Variants in MEGF10 observed in about 807,000 individuals in gnomAD.
MEGF10 encodes multiple epidermal growth factor-like domains protein 10.
A neutral mutation model predicts 147.5 loss-of-function variants in MEGF10; 86 were observed. The observed-to-expected ratio is 0.58, with a 90% CI of 0.49 to 0.70. The LOEUF is 0.70. MEGF10 is among the 30% of genes least tolerant of loss of function. MEGF10 has a pLI of 0.00. For missense variants in MEGF10, 1,329 were observed against 1,487.3 expected, an observed-to-expected ratio of 0.89 and a Z score of 1.75; for synonymous variants, 478 against 525.5, an observed-to-expected ratio of 0.91 and a Z score of 1.24.
rs573923853 is a variant in MEGF10, at chr5:127,435,641, CT to C, written c.2104+163del. On this transcript the variant is annotated intron_variant, in intron 16 of 24. Transcript: ENST00000503335. ...TACTTTAAATTCTTTTTTTAAAATT[CT>C]TTTTTTTTTTCCCATTACGACCTCT... 0.056 allele frequency: 36,744 copies of C among 653,082 alleles called. 145 individuals carry two copies. Among genetic ancestry groups the C allele is most frequent in the African/African-American group, 0.085 (4,312 of 50,684 alleles). The allele number at this position is 653,082 out of a possible 1,614,324, so 40.5% of individuals were successfully genotyped here.
intron 1 of MEGF10, among the ~76,000 whole-genome samples, chr5:127,314,738 A>G (rs1459838320): frequency 1.3e-5 from 2 of 152,228 alleles, no homozygotes; most frequent in Non-Finnish European, 2.9e-5. Flanking sequence ...TATTCCAGGC[A>G]GGAACTATTT....
In MEGF10 at chr5:127,454,621, A is replaced by G; in HGVS notation, c.3025+11A>G. 1 of 1,600,720 alleles carries G rather than the reference A, an allele frequency of 6.2e-7. No homozygotes were observed. The highest frequency in any genetic ancestry group is 8.5e-7 in the Non-Finnish European group (1 of 1,175,234). ...GAAAATCCTTAAAAGGTATCATGTAAATTTGAAGAAGAAATCAGAAGCACA... is the reference window on the plus strand; with the variant it reads ...GAAAATCCTTAAAAGGTATCATGTAGATTTGAAGAAGAAATCAGAAGCACA... On this transcript the variant is annotated intron_variant, in intron 23 of 24. Transcript: ENST00000503335.
chr5:127,309,994 T>TTTTTCTTTCTTTCC (rs1760204791), intron 1 of MEGF10, among the ~76,000 whole-genome samples: 1 of 56,814 alleles, frequency 1.8e-5, no homozygotes, highest in Non-Finnish European at 4.2e-5. Context: ...TCTTTCTTTC[T>TTTTTCTTTCTTTCC]TTCCTTCCTT....
chr5:127,298,858 C>A (rs1381186454), intron 1 of MEGF10, among the ~76,000 whole-genome samples: 1 of 152,122 alleles, frequency 6.6e-6, no homozygotes, highest in Non-Finnish European at 1.5e-5. Flanking sequence ...TGCGGCCAGC[C>A]GTCCAACTGA....
chr5:127,270,985 C>T, the MEGF10 span, among the ~76,000 whole-genome samples: 1 of 152,062 alleles, frequency 6.6e-6, no homozygotes, highest in Non-Finnish European at 1.5e-5. Context: ...ATGGTTAATT[C>T]CATGTCTTTC....
chr5:127,398,052 C>G (rs1467801395), intron 6 of MEGF10, among the ~76,000 whole-genome samples: 2 of 125,578 alleles, frequency 1.6e-5, no homozygotes, highest in African/African-American at 6.2e-5. Flanking sequence ...GCATCACACA[C>G]TGGGGTCTGT....
chr5:127,244,747 AC>A, the MEGF10 span, among the ~76,000 whole-genome samples: 1 of 152,158 alleles, frequency 6.6e-6, no homozygotes, highest in Non-Finnish European at 1.5e-5. Flanking sequence ...TATATACTAA[AC>A]CAAGCTATTG....
rs111897967 is a variant in MEGF10, at chr5:127,393,566, A to G, written c.413-2966A>G. Reference sequence around the variant, plus strand: ...GTAAACATGTGGATTTTTTTCCTGAATAGACCATGTTGATGTATGGTATTC... The same window carrying G: ...GTAAACATGTGGATTTTTTTCCTGAGTAGACCATGTTGATGTATGGTATTC... On this transcript the variant is annotated intron_variant, in intron 5 of 24. Coordinates refer to ENST00000503335, the MANE Select transcript of MEGF10 (RefSeq NM_001256545.2). Among the ~76,000 whole-genome samples the G allele has an allele frequency of 3.3e-3, 498 of 152,308 alleles. 1 individual carries two copies. The highest frequency in any genetic ancestry group is 0.011 in the African/African-American group (463 of 41,574).
rs758871048 is a variant in MEGF10, at chr5:127,369,995, C to G, written c.405C>G (p.Cys135Trp). 6.2e-7 allele frequency: 1 copy of G among 1,612,820 alleles called. No homozygotes were observed. The highest frequency in any genetic ancestry group is 8.5e-7 in the Non-Finnish European group (1 of 1,179,118). Residue 135 changes from cysteine to tryptophan, a missense_variant, in exon 5 of 25, where the codon TGC becomes TGG. By Grantham distance (215) the Cys-to-Trp change is radical. This residue lies in a region of MEGF10 where 980 missense variants were observed against 1,085.9 expected (regional missense o/e 0.90). Transcript: ENST00000503335. ...QCEPGWGGTNCSSACDGDHWG... is the reference protein window; with the variant it reads ...QCEPGWGGTNWSSACDGDHWG... ...AGCCTGGCTGGGGAGGGACCAACTG[C>G]TCCAGTGGTAAGTTTCCACCTGCTG...
the MEGF10 span, among the ~76,000 whole-genome samples, chr5:127,258,564 C>A: frequency 1.3e-5 from 2 of 152,144 alleles, no homozygotes; most frequent in Non-Finnish European, 2.9e-5. Context: ...CTGAGCTTCC[C>A]TTACCTAGTG....
At chr5:127,259,449 G>A in the MEGF10 span, among the ~76,000 whole-genome samples, 1 of 152,144 alleles carries the variant, frequency 6.6e-6, no homozygotes, top group Non-Finnish European at 1.5e-5. Flanking sequence ...AGGGGGGAGA[G>A]TGTGGTCTCA....
intron 1 of MEGF10, among the ~76,000 whole-genome samples, chr5:127,309,293 T>C (rs1406669100): frequency 6.6e-6 from 1 of 152,226 alleles, no homozygotes; most frequent in Admixed American, 6.5e-5. Flanking sequence ...AAAATGCACA[T>C]AACATACCAT....
At chr5:127,308,792 A>G (rs1269657824) in intron 1 of MEGF10, among the ~76,000 whole-genome samples, 11 of 152,180 alleles carry the variant, frequency 7.2e-5, no homozygotes, top group Admixed American at 2.0e-4. Flanking sequence ...GCAGCACACC[A>G]ACATGGCACA....
At chr5:127,437,026 T>G (rs1765574629) in intron 16 of MEGF10, among the ~76,000 whole-genome samples, 1 of 152,240 alleles carries the variant, frequency 6.6e-6, no homozygotes, top group Non-Finnish European at 1.5e-5. Flanking sequence ...ATTCCCATTC[T>G]CTGATCATAA....
At position 127,445,599 on chromosome 5, in the gene MEGF10, T is replaced by C. The variant is rs1425353181; in HGVS notation, c.2634T>C (p.Ile878=). ...VVLFLLALFI[I]YRHKQKGKES... is the part of the protein sequence containing the mutation. ...TCTTCCTACTGGCATTGTTCATTAT[T>C]TATAGACACAAGCAGAAGGGAAAGG... The change falls in exon 20 of 25, where the codon ATT becomes ATC. Residue 878 remains isoleucine (I), a synonymous_variant. Coordinates refer to ENST00000503335, the MANE Select transcript of MEGF10 (RefSeq NM_001256545.2). 1 of 1,614,128 alleles carries C rather than the reference T, an allele frequency of 6.2e-7. No individual in the cohort carries two copies. Among genetic ancestry groups the C allele is most frequent in the East Asian group, 2.2e-5 (1 of 44,878 alleles).
chr5:127,391,153 C>G, intron 5 of MEGF10, among the ~76,000 whole-genome samples: 1 of 40,512 alleles, frequency 2.5e-5, no homozygotes, highest in East Asian at 5.2e-4. Flanking sequence ...CACACACACA[C>G]ATACATGCTT....
the MEGF10 span, among the ~76,000 whole-genome samples, chr5:127,247,428 GA>G: frequency 4.2e-5 from 4 of 94,300 alleles, no homozygotes; most frequent in Admixed American, 1.1e-4. Flanking sequence ...AGAAGAAGAA[GA>G]AGAAGAAGAA....
chr5:127,382,895 A>G (rs926976236), intron 5 of MEGF10, among the ~76,000 whole-genome samples: 1 of 152,216 alleles, frequency 6.6e-6, no homozygotes, highest in Non-Finnish European at 1.5e-5. Flanking sequence ...ACAAGATGTC[A>G]TTTCTCACCA....
chr5:127,290,739 T>G (rs1759211589), upstream of MEGF10: 1 of 152,806 alleles, frequency 6.5e-6, no homozygotes, highest in Non-Finnish European at 1.5e-5. Context: ...CGGCAACTGC[T>G]CGAATCCCGG....
Sources: gnomAD v4.1 joint callset for allele counts (sites outside exome capture counted in the v4.1 genomes callset) on GRCh38, gnomAD v4.1.1 for gene constraint, gnomAD v4.1.1 regional missense constraint, MANE v1.5 for transcripts, NCBI Gene and HGNC (gene_info 2026-07-23, HGNC 2026-07-21) for gene names.